The following NRXN1 variants were observed in gnomAD, a reference collection of about 807,000 sequenced individuals.
The protein encoded by NRXN1 is neurexin-1.
Under a neutral mutation model 150.9 loss-of-function variants are expected in NRXN1, and 39 were observed. The ratio of observed to expected loss-of-function variants is 0.26; its 90% CI spans 0.20 to 0.34. The LOEUF (loss-of-function observed/expected upper bound fraction) is 0.34, where lower values mean the gene tolerates loss of function less well. Ranked by LOEUF, NRXN1 falls within the 10% of genes least tolerant of loss-of-function variation. The pLI, the probability that NRXN1 is intolerant of heterozygous loss-of-function variation, is 1.00. For synonymous variants in NRXN1, 924 were observed against 757.0 expected, an observed-to-expected ratio of 1.22 and a Z score of -3.62; for missense variants, 1,815 against 1,949.9, an observed-to-expected ratio of 0.93 and a Z score of 1.30.
chr2:50,993,093 A>C (rs1050638519), intron 2 of NRXN1, among the ~76,000 whole-genome samples: 1 of 151,970 alleles, frequency 6.6e-6, no homozygotes, highest in Admixed American at 6.6e-5. Context: ...ATCAACAGGG[A>C]ATTATTTGAA....
At chr2:50,515,582 C>T (rs1486728741) in intron 12 of NRXN1, among the ~76,000 whole-genome samples, 1 of 147,128 alleles carries the variant, frequency 6.8e-6, no homozygotes, top group East Asian at 2.0e-4. Flanking sequence ...AGAATAGAAA[C>T]ATTCATTAAA....
chr2:50,355,262 T>C (rs558779758), intron 17 of NRXN1, among the ~76,000 whole-genome samples: 101 of 130,700 alleles, frequency 7.7e-4, no homozygotes, highest in Admixed American at 9.4e-4. Flanking sequence ...TATACATATA[T>C]ATACACATAT....
chr2:50,444,920 T>C (rs565993353), intron 17 of NRXN1, among the ~76,000 whole-genome samples: 27 of 152,266 alleles, frequency 1.8e-4, no homozygotes, highest in African/African-American at 6.3e-4. Context: ...TAATTTATCT[T>C]GATTACTGAG....
intron 5 of NRXN1, among the ~76,000 whole-genome samples, chr2:50,835,087 A>C (rs951370678): frequency 6.6e-6 from 1 of 152,146 alleles, no homozygotes; most frequent in African/African-American, 2.4e-5. Flanking sequence ...GCCCAGGGTG[A>C]GCTTCCTTTT....
intron 17 of NRXN1, among the ~76,000 whole-genome samples, chr2:50,442,416 A>T (rs114341235): frequency 2.0e-3 from 304 of 152,276 alleles, no homozygotes; most frequent in African/African-American, 6.8e-3. Flanking sequence ...TTAAGTGCAC[A>T]CCTATACACC....
intron 5 of NRXN1, among the ~76,000 whole-genome samples, chr2:50,690,722 T>A (rs1022674440): frequency 6.6e-6 from 1 of 152,292 alleles, no homozygotes; most frequent in Admixed American, 6.5e-5. Context: ...ACAGACCTGA[T>A]CAAACTCCGG....
At chr2:50,424,444 G>T (rs1322896277) in intron 17 of NRXN1, among the ~76,000 whole-genome samples, 1 of 151,956 alleles carries the variant, frequency 6.6e-6, no homozygotes, top group Non-Finnish European at 1.5e-5. Context: ...TGACATTTAT[G>T]AGGACTGGGA....
At chr2:50,841,738 A>G (rs1414060048) in intron 5 of NRXN1, among the ~76,000 whole-genome samples, 2 of 152,224 alleles carry the variant, frequency 1.3e-5, no homozygotes, top group Non-Finnish European at 2.9e-5. Context: ...AATTTTTGTA[A>G]ACCAAAGTGT....
intron 8 of NRXN1, among the ~76,000 whole-genome samples, chr2:50,600,321 CTTT>C (rs779234312): frequency 6.7e-5 from 8 of 120,234 alleles, no homozygotes; most frequent in South Asian, 2.6e-4. Context: ...TTAAGACTAG[CTTT>C]TTTTTTTTTT....
intron 5 of NRXN1, among the ~76,000 whole-genome samples, chr2:50,769,919 A>C (rs948835618): frequency 1.3e-5 from 2 of 152,098 alleles, no homozygotes; most frequent in Non-Finnish European, 2.9e-5. Flanking sequence ...CTGAACAAAT[A>C]ATGTTTGGGA....
intron 17 of NRXN1, among the ~76,000 whole-genome samples, chr2:50,244,011 T>C (rs1361367213): frequency 6.6e-6 from 1 of 151,890 alleles, no homozygotes; most frequent in East Asian, 1.9e-4. Context: ...CAATAAAAAA[T>C]GAATTTACCT....
At chr2:49,973,665 A>G in intron 21 of NRXN1, 1 of 377,082 alleles carries the variant, frequency 2.7e-6, no homozygotes, top group African/African-American at 2.1e-5. Flanking sequence ...TGTTTTTGCC[A>G]CAAGCATGCT....
intron 18 of NRXN1, among the ~76,000 whole-genome samples, chr2:50,188,391 G>T (rs150080270): frequency 0.019 from 2,879 of 152,004 alleles, 95 homozygotes; most frequent in African/African-American, 0.066. Context: ...ATTAAAGACT[G>T]AAATGTAAGA....
intron 2 of NRXN1, among the ~76,000 whole-genome samples, chr2:50,999,386 T>TC (rs1699745550): frequency 6.6e-6 from 1 of 151,932 alleles, no homozygotes. Context: ...AGGCAAATAA[T>TC]CAGGAATGAA....
At chr2:50,379,517 G>C (rs529496290) in intron 17 of NRXN1, among the ~76,000 whole-genome samples, 18 of 152,160 alleles carry the variant, frequency 1.2e-4, no homozygotes, top group Admixed American at 1.2e-3. Context: ...CTATAAAACA[G>C]ACCACTGAGC....
chr2:50,376,964 T>C (rs2080553334), intron 17 of NRXN1, among the ~76,000 whole-genome samples: 1 of 37,370 alleles, frequency 2.7e-5, no homozygotes, highest in Admixed American at 3.2e-4. Flanking sequence ...TTTCTTTTCT[T>C]TTTTTTTTTA....
At chr2:50,306,830 G>C (rs1454955229) in intron 17 of NRXN1, among the ~76,000 whole-genome samples, 9 of 152,240 alleles carry the variant, frequency 5.9e-5, no homozygotes, top group Non-Finnish European at 2.9e-5. Flanking sequence ...TAAGGGCTAA[G>C]GTGGCTTTTT....
At chr2:50,923,355 G>T in intron 3 of NRXN1, 1 of 264,178 alleles carries the variant, frequency 3.8e-6, no homozygotes, top group Non-Finnish European at 8.2e-6. Flanking sequence ...ATTTTCCTCA[G>T]AGAACAAAAT....
chr2:49,947,528 T>C (rs1282708999), intron 21 of NRXN1, among the ~76,000 whole-genome samples: 3 of 146,530 alleles, frequency 2.0e-5, no homozygotes, highest in Non-Finnish European at 4.5e-5. Flanking sequence ...TTTTTTTTTT[T>C]TTTGTAGAGA....
Sources: allele counts gnomAD v4.1 joint callset (sites outside exome capture counted in the v4.1 genomes callset), GRCh38; gene constraint gnomAD v4.1.1; transcripts MANE v1.5; gene names NCBI Gene and HGNC (gene_info 2026-07-23, HGNC 2026-07-21).